The following AUTS2 variants were observed in gnomAD, a reference collection of about 807,000 sequenced individuals.
AUTS2 encodes the protein activator of transcription and developmental regulator AUTS2.
Under a neutral mutation model 112.4 loss-of-function variants are expected in AUTS2, and 17 were observed. The observed-to-expected ratio is 0.15, with a 90% CI of 0.10 to 0.23. The LOEUF (loss-of-function observed/expected upper bound fraction) is 0.23, where lower values mean the gene tolerates loss of function less well. Ranked by LOEUF, AUTS2 falls within the 10% of genes least tolerant of loss-of-function variation. The pLI, the probability that AUTS2 is intolerant of heterozygous loss-of-function variation, is 1.00. For synonymous variants in AUTS2, 751 were observed against 702.7 expected, an observed-to-expected ratio of 1.07 and a Z score of -1.09; for missense variants, 1,510 against 1,701.6, an observed-to-expected ratio of 0.89 and a Z score of 1.98.
At chr7:70,487,285 A>G (rs1253940029) in intron 5 of AUTS2, among the ~76,000 whole-genome samples, 1 of 152,098 alleles carries the variant, frequency 6.6e-6, no homozygotes, top group Non-Finnish European at 1.5e-5. Context: ...GATGTTGCAT[A>G]AAGGGAAAAT....
At chr7:70,047,223 A>T (rs1427583850) in intron 2 of AUTS2, among the ~76,000 whole-genome samples, 3 of 152,210 alleles carry the variant, frequency 2.0e-5, no homozygotes, top group African/African-American at 7.2e-5. Flanking sequence ...GCCTCTTTAG[A>T]TGTAAAAGTT....
intron 2 of AUTS2, among the ~76,000 whole-genome samples, chr7:70,097,207 G>T (rs536081168): frequency 3.3e-5 from 5 of 152,178 alleles, no homozygotes; most frequent in African/African-American, 9.6e-5. Context: ...TGTATTTTCT[G>T]TGGGGAAAAA....
intron 1 of AUTS2, among the ~76,000 whole-genome samples, chr7:69,865,660 C>G (rs1163039486): frequency 6.6e-6 from 1 of 152,176 alleles, no homozygotes; most frequent in Non-Finnish European, 1.5e-5. Flanking sequence ...TGTGCCAAGG[C>G]CATTCTCTTT....
In AUTS2 at chr7:70,747,733, G is replaced by A. The variant is rs369222992; in HGVS notation, c.743-15137G>A. Among the ~76,000 whole-genome samples, 53 of 152,158 alleles carry A rather than the reference G, an allele frequency of 3.5e-4. 1 individual carries two copies. In the South Asian group the frequency reaches 7.9e-3, roughly 23 times the overall value. On this transcript the variant is annotated intron_variant, in intron 6 of 18. Coordinates refer to ENST00000342771, the MANE Select transcript of AUTS2 (RefSeq NM_015570.4). ...ACTCTTGACCTCAGGTGATCCGCCC[G>A]CCTCAGCCTCCCCAAGTGCTGGGAT...
At chr7:69,652,602 A>G (rs1263493255) in intron 1 of AUTS2, among the ~76,000 whole-genome samples, 1 of 151,898 alleles carries the variant, frequency 6.6e-6, no homozygotes, top group East Asian at 1.9e-4. Context: ...TGCAGTGACC[A>G]TTTTTCTGAA....
At chr7:69,830,028 A>G (rs1238581806) in intron 1 of AUTS2, among the ~76,000 whole-genome samples, 1 of 152,236 alleles carries the variant, frequency 6.6e-6, no homozygotes, top group African/African-American at 2.4e-5. Context: ...AATGTGGTAC[A>G]TATACACCAT....
intron 4 of AUTS2, among the ~76,000 whole-genome samples, chr7:70,331,792 A>G (rs558529447): frequency 6.6e-6 from 1 of 152,324 alleles, no homozygotes; most frequent in Admixed American, 6.5e-5. Flanking sequence ...AAAACTCTCA[A>G]TAAACTAGGT....
At chr7:70,466,205 C>T (rs923960158) in intron 5 of AUTS2, among the ~76,000 whole-genome samples, 3 of 152,052 alleles carry the variant, frequency 2.0e-5, no homozygotes, top group Admixed American at 6.6e-5. Context: ...AGAAGCACTT[C>T]TTGATAAACA....
At chr7:70,695,402 C>G (rs1809031087) in intron 5 of AUTS2, among the ~76,000 whole-genome samples, 1 of 152,220 alleles carries the variant, frequency 6.6e-6, no homozygotes, top group Non-Finnish European at 1.5e-5. Flanking sequence ...GCTGCCCGCT[C>G]CTGGGGTCGC....
chr7:69,651,768 C>T (rs1795299416), intron 1 of AUTS2, among the ~76,000 whole-genome samples: 1 of 152,148 alleles, frequency 6.6e-6, no homozygotes, highest in Non-Finnish European at 1.5e-5. Flanking sequence ...TTGTGTCATT[C>T]AATTAGAATT....
At chr7:70,389,624 C>CT (rs895652091) in intron 4 of AUTS2, among the ~76,000 whole-genome samples, 68 of 149,582 alleles carry the variant, frequency 4.5e-4, no homozygotes, top group Middle Eastern at 6.9e-3. Flanking sequence ...CCAAATCTGC[C>CT]TTTTTTTTTT....
At chr7:70,484,016 A>G (rs532734080) in intron 5 of AUTS2, among the ~76,000 whole-genome samples, 11 of 152,348 alleles carry the variant, frequency 7.2e-5, no homozygotes, top group Admixed American at 1.3e-4. Context: ...TTTAATAAAG[A>G]TGAATATCCC....
intron 4 of AUTS2, among the ~76,000 whole-genome samples, chr7:70,315,217 C>G (rs1562873982): frequency 6.6e-6 from 1 of 152,154 alleles, no homozygotes. Flanking sequence ...ACTCCTTGTT[C>G]CCATCCTTTT....
intron 4 of AUTS2, among the ~76,000 whole-genome samples, chr7:70,341,951 G>A (rs2037316665): frequency 6.6e-6 from 1 of 152,190 alleles, no homozygotes; most frequent in African/African-American, 2.4e-5. Context: ...TGAAATGGGA[G>A]ACTTGGGCCC....
At chr7:70,116,584 T>C (rs1160391191) in intron 2 of AUTS2, among the ~76,000 whole-genome samples, 1 of 152,192 alleles carries the variant, frequency 6.6e-6, no homozygotes, top group Non-Finnish European at 1.5e-5. Flanking sequence ...ACGTTTTCAT[T>C]CATGCACCCA....
rs143515450 is a variant in AUTS2 at position 69,628,108 on chromosome 7, C to G, written c.309+28146C>G. Among the ~76,000 whole-genome samples the G allele has an allele frequency of 9.7e-4, 147 of 152,194 alleles. 2 individuals are homozygous for G. The East Asian group carries it at 0.026, about 27-fold the overall frequency. ...ATGTGTGCTTATGTAGTGCCATTGT[C>G]AAAAGATTACAAAGGGCATTTACAG... On this transcript the variant is annotated intron_variant, in intron 1 of 18. Transcript: ENST00000342771.
rs1344818041 is a variant in AUTS2, at chr7:70,765,038, A to G, written c.1468+33A>G. On this transcript the variant is annotated intron_variant, in intron 8 of 18. Transcript: ENST00000342771. ...GGAGGGGCCTGTGCTCGTGACCCCG[A>G]CCCCCACCGCCCCTCGCTGTGACCT... is the stretch of plus-strand genomic sequence containing the variant. 6 of 1,609,184 alleles carry G rather than the reference A, an allele frequency of 3.7e-6. No homozygotes were observed. The East Asian group carries it at 9.0e-5, about 24-fold the overall frequency.
In AUTS2 at chr7:69,892,061, G is replaced by C. The variant is rs377626033; in HGVS notation, c.310-7225G>C. Among the ~76,000 whole-genome samples the C allele has an allele frequency of 3.2e-4, 49 of 151,808 alleles. No individual in the cohort carries two copies. The East Asian group carries it at 5.8e-3, about 18-fold the overall frequency. ...CTGCCCTGGCCTCCCAAAGTGCTGG[G>C]ATTACAGGCATGAGCTGCCACACCT... On this transcript the variant is annotated intron_variant, in intron 1 of 18. Transcript: ENST00000342771.
At chr7:69,848,546 C>T (rs1046853859) in intron 1 of AUTS2, among the ~76,000 whole-genome samples, 2 of 152,200 alleles carry the variant, frequency 1.3e-5, no homozygotes, top group Non-Finnish European at 2.9e-5. Flanking sequence ...CTCCCAGGTA[C>T]AGTAGCAACC....
Sources: gnomAD v4.1 joint callset for allele counts (sites outside exome capture counted in the v4.1 genomes callset) on GRCh38, gnomAD v4.1.1 for gene constraint, MANE v1.5 for transcripts, NCBI Gene and HGNC (gene_info 2026-07-23, HGNC 2026-07-21) for gene names.